CLCN4: variants seen among roughly 807,000 people sequenced by gnomAD.
CLCN4 encodes Cl-/H+ antiporter 4.
CLCN4 carries 1 observed loss-of-function variant against 41.7 expected under a neutral mutation model. The ratio of observed to expected loss-of-function variants is 0.02; its 90% CI spans 0.01 to 0.11. The LOEUF (loss-of-function observed/expected upper bound fraction) is 0.11. CLCN4 is among the 10% of genes least tolerant of loss of function. CLCN4 has a pLI of 1.00. For synonymous variants in CLCN4, 277 were observed against 285.8 expected, an observed-to-expected ratio of 0.97 and a Z score of 0.31; for missense variants, 287 against 661.0, an observed-to-expected ratio of 0.43 and a Z score of 6.20.
chrX:10,205,736 T>A (rs189513009), intron 6 of CLCN4, among the ~76,000 whole-genome samples: 1 of 107,823 alleles, frequency 9.3e-6, no homozygotes, highest in Admixed American at 1.0e-4. Context: ...GCCTCCCAAG[T>A]AGCTAGGACC....
intron 2 of CLCN4, among the ~76,000 whole-genome samples, chrX:10,182,138 C>CACTA (rs771428417): frequency 7.8e-4 from 87 of 112,090 alleles, no homozygotes; most frequent in Non-Finnish European, 1.4e-3. Context: ...TCCACCCTCT[C>CACTA]ACTATTGGTA....
intron 2 of CLCN4, among the ~76,000 whole-genome samples, chrX:10,159,047 C>G (rs943479064): frequency 2.7e-5 from 3 of 112,530 alleles, no homozygotes; most frequent in Non-Finnish European, 5.6e-5. Flanking sequence ...TCTTGGTTAG[C>G]AATTTAAGAG....
chrX:10,208,364 C>T lies in CLCN4; in HGVS notation c.1163C>T (p.Pro388Leu). 8.3e-7 allele frequency: 1 copy of T among 1,210,965 alleles called. No individual in the cohort carries two copies. The highest frequency in any genetic ancestry group is 1.1e-6 in the Non-Finnish European group (1 of 895,207). The change falls in exon 9 of 13, where the codon CCC (proline) becomes CTC (leucine). Residue 388 changes from proline (P) to leucine (L), a missense_variant. Pro to Leu is a moderately conservative substitution (Grantham distance 98). Transcript: ENST00000380833. The stretch of plus-strand genomic sequence containing the variant: ...ACTGCCATCATTGCCTACCCCAATC[C>T]CTACACACGCCAGAGCACCAGCGAG... The part of the protein sequence containing the change: ...AITAIIAYPN[P>L]YTRQSTSELI...
intron 6 of CLCN4, among the ~76,000 whole-genome samples, chrX:10,203,628 G>A (rs182195182): frequency 9.0e-6 from 1 of 111,671 alleles, no homozygotes; most frequent in East Asian, 2.8e-4. Flanking sequence ...GAATCTCTGT[G>A]CTGCTCTTTT....
Position 10,182,457 on chromosome X carries a change from G to A in CLCN4, c.-11-2565G>A, listed in dbSNP as rs148667718. Among the ~76,000 whole-genome samples the A allele has an allele frequency of 9.3e-4, 104 of 112,232 alleles. 1 individual carries two copies. In the East Asian group the frequency reaches 0.011, roughly 12 times the overall value. ...TTTTCCCCCTTTGAGATGGAGTCTC[G>A]CTCTGTCGCGCATGCTGGAGTGCGG... is the stretch of plus-strand genomic sequence containing the variant. On this transcript the variant is annotated intron_variant, in intron 2 of 12. Coordinates refer to ENST00000380833, the MANE Select transcript of CLCN4 (RefSeq NM_001830.4).
At chrX:10,162,319 G>A (rs34748164) in intron 2 of CLCN4, among the ~76,000 whole-genome samples, 1,231 of 111,319 alleles carry the variant, frequency 0.011, 7 homozygotes, top group Non-Finnish European at 0.017. Context: ...ACGCCTGGCC[G>A]CAGTTGAGTC....
intron 6 of CLCN4, 60 bp from the exon 7 acceptor site, chrX:10,206,298 C>G: frequency 1.1e-6 from 1 of 918,233 alleles, no homozygotes; most frequent in Non-Finnish European, 1.6e-6. Context: ...AATTATAGCT[C>G]TTTTCCTAGC....
Position 10,194,622 on chromosome X carries a change from A to G in CLCN4, c.245-289A>G, listed in dbSNP as rs186898226. On this transcript the variant is annotated intron_variant, in intron 4 of 12. Coordinates refer to ENST00000380833, the MANE Select transcript of CLCN4 (RefSeq NM_001830.4). ...TAAATACCCAATGTCAAAAACTTGG[A>G]AAGGGAAAAATTGCAAAAGTTGCTT... Among the ~76,000 whole-genome samples the G allele has an allele frequency of 4.5e-3, 509 of 112,249 alleles. 4 individuals carry two copies. Among genetic ancestry groups the G allele is most frequent in the African/African-American group, 0.016 (490 of 30,857 alleles).
intron 2 of CLCN4, among the ~76,000 whole-genome samples, chrX:10,180,791 A>AAAAG (rs1192032081): frequency 2.9e-5 from 3 of 102,321 alleles, no homozygotes; most frequent in Non-Finnish European, 3.9e-5. Context: ...AAAAAAAAAA[A>AAAAG]AAAGAAAGAA....
chrX:10,234,109 A>G lies in CLCN4; in HGVS notation c.*525A>G, dbSNP rs966604507. ...AGAAAAAGAAATTAAATTTGAACAC[A>G]GTGAAAGCTGCAAGTATGCCAGTGG... On this transcript the variant is annotated 3_prime_UTR_variant, in exon 13 of 13. Transcript: ENST00000380833. 5 of 113,114 alleles carry G rather than the reference A, an allele frequency of 4.4e-5. No individual in the cohort carries two copies. Among genetic ancestry groups the G allele is most frequent in the African/African-American group, 9.7e-5 (3 of 30,989 alleles). The allele number at this position is 113,114 out of a possible 1,213,427, so 9.3% of individuals were successfully genotyped here.
In CLCN4 at chrX:10,208,499, C is replaced by T. The variant is rs896091874; in HGVS notation, c.1298C>T (p.Pro433Leu). ...CCTGTGGATGACATTCCAGACCGGC[C>T]GGCTGGTGTCGGTGTTTACACGGCC... ...TRPVDDIPDR[P>L]AGVGVYTAMW... Residue 433 changes from proline (P) to leucine (L), a missense_variant, in exon 9 of 13, where the codon CCG becomes CTG. By Grantham distance (98) the Pro-to-Leu change is moderately conservative. This residue lies in a region of CLCN4 where 94 missense variants were observed against 177.9 expected (regional missense o/e 0.53). Transcript: ENST00000380833. 2 of 1,211,050 alleles carry T rather than the reference C, an allele frequency of 1.7e-6. No homozygotes were observed. The highest frequency in any genetic ancestry group is 2.3e-4 in the Middle Eastern group (1 of 4,354).
intron 12 of CLCN4, among the ~76,000 whole-genome samples, chrX:10,232,424 TAC>T (rs1356818356): frequency 8.9e-6 from 1 of 112,687 alleles, no homozygotes; most frequent in African/African-American, 3.2e-5. Context: ...ATTATCATAT[TAC>T]ACAGAGTAGA....
intron 4 of CLCN4, among the ~76,000 whole-genome samples, chrX:10,188,868 A>G (rs935900767): frequency 1.8e-5 from 2 of 111,969 alleles, no homozygotes; most frequent in African/African-American, 6.5e-5. Flanking sequence ...GTTGCCAGGG[A>G]AGGGCTCTAC....
chrX:10,164,737 C>T (rs1225971732), intron 2 of CLCN4, among the ~76,000 whole-genome samples: 2 of 112,069 alleles, frequency 1.8e-5, no homozygotes, highest in African/African-American at 6.5e-5. Flanking sequence ...AGGCTGCAGA[C>T]GTGTCCTCAT....
rs140344775 is a variant in CLCN4, at chrX:10,187,604, C to T, written c.234C>T (p.Gly78=). Residue 78 remains glycine, a synonymous_variant, in exon 4 of 13, where the codon GGC becomes GGT. Transcript: ENST00000380833. ...WSGWVVMLLI[G]LLAGTLAGVI... is the part of the protein sequence containing the mutation. ...GATGGGTGGTGATGCTGCTCATCGG[C>T]CTGCTGGCGGGTACGTGGATGGGCA... is the stretch of plus-strand genomic sequence containing the variant. The T allele has an allele frequency of 9.9e-6, 12 of 1,207,100 alleles. No homozygotes were observed. The highest frequency in any genetic ancestry group is 1.3e-5 in the Non-Finnish European group (12 of 892,604).
At position 10,206,388 on chromosome X, in the gene CLCN4, A is replaced by C. The variant is rs930989339; in HGVS notation, c.586A>C (p.Arg196=). ...GACCATTTTGAGCGGCTTTATCATCAGGGGCTACTTGGGGAAGTGGACCCT... is the reference window on the plus strand; with the variant it reads ...GACCATTTTGAGCGGCTTTATCATCCGGGGCTACTTGGGGAAGTGGACCCT... The part of the protein sequence containing the change: ...IKTILSGFII[R]GYLGKWTLLI... The change falls in exon 7 of 13, where the codon AGG becomes CGG. Residue 196 remains arginine, a synonymous_variant. Coordinates refer to ENST00000380833, the MANE Select transcript of CLCN4 (RefSeq NM_001830.4). 8.3e-7 allele frequency: 1 copy of C among 1,209,964 alleles called. No homozygotes were observed. Among genetic ancestry groups the C allele is most frequent in the African/African-American group, 1.7e-5 (1 of 57,683 alleles).
chrX:10,194,091 T>A (rs748375281), intron 4 of CLCN4, among the ~76,000 whole-genome samples: 2 of 109,157 alleles, frequency 1.8e-5, no homozygotes, highest in South Asian at 8.0e-4. Context: ...GTGGGCGGTG[T>A]CCGATGCAAC....
At chrX:10,166,876 C>G (rs764209727) in intron 2 of CLCN4, among the ~76,000 whole-genome samples, 6 of 111,650 alleles carry the variant, frequency 5.4e-5, no homozygotes, top group Non-Finnish European at 9.4e-5. Context: ...TCACCCGAGG[C>G]CACATGTGGT....
chrX:10,165,717 C>G lies in CLCN4; in HGVS notation c.-12+7166C>G, dbSNP rs574519107. Among the ~76,000 whole-genome samples the G allele has an allele frequency of 1.2e-3, 139 of 112,134 alleles. 3 individuals are homozygous for G. The South Asian group carries it at 0.051, about 42-fold the overall frequency. ...AAATATGAAAGTTCTTTTTCGCCCT[C>G]CACTCTAACCCCTGGAGGTGCTGGT... On this transcript the variant is annotated intron_variant, in intron 2 of 12. Transcript: ENST00000380833.
Sources: allele counts gnomAD v4.1 joint callset (sites outside exome capture counted in the v4.1 genomes callset), GRCh38; gene constraint gnomAD v4.1.1; regional missense constraint gnomAD v4.1.1; transcripts MANE v1.5; gene names NCBI Gene and HGNC (gene_info 2026-07-23, HGNC 2026-07-21).